TRPM1: variants seen among roughly 807,000 people sequenced by gnomAD.
The protein encoded by TRPM1 is transient receptor potential cation channel subfamily M member 1, also known as TRPM1-203 APA Isoform, Intron 10.
Under a neutral mutation model 149.4 loss-of-function variants are expected in TRPM1, and 113 were observed. The ratio of observed to expected loss-of-function variants is 0.76; its 90% confidence interval spans 0.65 to 0.88. The LOEUF is 0.88. TRPM1 is among the 40% of genes least tolerant of loss of function. The pLI is 0.00. For missense variants in TRPM1, 1,976 were observed against 2,038.7 expected (o/e 0.97, Z 0.59); for synonymous variants, 741 against 759.5 (o/e 0.98, Z 0.40).
Position 31,050,589 on chromosome 15 carries a change from T to G in TRPM1, c.1264-7A>C, listed in dbSNP as rs1417709776. 1 of 1,614,040 alleles carries G rather than the reference T, an allele frequency of 6.2e-7. No individual in the cohort carries two copies. Among genetic ancestry groups the G allele is most frequent in the East Asian group, 2.2e-5 (1 of 44,874 alleles). ...GTGCCAGGCTTCCCAGGGGCTGCAG[T>G]CCACAGCAATCAGAGTTGGGAAATG... On this transcript the variant is annotated splice_polypyrimidine_tract_variant and splice_region_variant and intron_variant, in intron 11 of 27. Coordinates refer to ENST00000256552, the MANE Select transcript of TRPM1 (RefSeq NM_001252024.2).
In TRPM1 at chr15:31,027,112, G is replaced by T; in HGVS notation, c.3299C>A (p.Thr1100Asn). Residue 1100 changes from threonine (T) to asparagine (N), a missense_variant, in exon 26 of 28, where the codon ACC becomes AAC. By Grantham distance (65) the Thr-to-Asn change is moderately conservative. This residue lies in a region of TRPM1 where 72 missense variants were observed against 112.7 expected (regional missense o/e 0.64). Coordinates refer to ENST00000256552, the MANE Select transcript of TRPM1 (RefSeq NM_001252024.2). ...GGATATTGATTTTACTTCAAAGAAGGTATTGCTTTAAAAAGAAGACATTTT... is the reference window on the plus strand; with the variant it reads ...GGATATTGATTTTACTTCAAAGAAGTTATTGCTTTAAAAAGAAGACATTTT... ...VNLLIAVFNN[T>N]FFEVKSISNQ... 2 of 1,613,808 alleles carry T rather than the reference G, an allele frequency of 1.2e-6. No individual in the cohort carries two copies. The highest frequency in any genetic ancestry group is 1.7e-6 in the Non-Finnish European group (2 of 1,179,898).
chr15:31,156,056 G>C (rs148274894), intron 1 of TRPM1, among the ~76,000 whole-genome samples: 1 of 151,944 alleles, frequency 6.6e-6, no homozygotes, highest in Non-Finnish European at 1.5e-5. Context: ...AATTAGCCAG[G>C]CATGGTGGTG....
At position 31,061,503 on chromosome 15, in the gene TRPM1, G is replaced by T. The variant is rs377055431; in HGVS notation, c.1101C>A (p.Phe367Leu). ...CMKKKELVTV[F>L]RMGSEGQQDI... ...CCTGCTGGCCCTCAGAACCCATTCT[G>T]AACACAGTGACCTGAAAATGTGAAA... The change falls in exon 10 of 28, where the codon TTC (phenylalanine) becomes TTA (leucine). Residue 367 changes from phenylalanine to leucine, a missense_variant. Phe to Leu is a conservative substitution (Grantham distance 22). This residue lies in a region of TRPM1 where 1,332 missense variants were observed against 1,347.1 expected (regional missense o/e 0.99). Coordinates refer to ENST00000256552, the MANE Select transcript of TRPM1 (RefSeq NM_001252024.2). The T allele has an allele frequency of 5.6e-6, 9 of 1,613,908 alleles. No individual in the cohort carries two copies. The highest frequency in any genetic ancestry group is 2.7e-5 in the African/African-American group (2 of 74,886).
chr15:31,062,509 G>C lies in TRPM1; in HGVS notation c.1089+70C>G, dbSNP rs112213992. 2.4e-3 allele frequency: 3,871 copies of C among 1,590,176 alleles called. 94 individuals are homozygous for C. In the African/African-American group the frequency reaches 0.047, roughly 19 times the overall value. ...ATGAATAACCCTGTCATGCACACAT[G>C]GGCGGAATTAGAAAAGGAAACATAA... On this transcript the variant is annotated intron_variant, in intron 9 of 27. Coordinates refer to ENST00000256552, the MANE Select transcript of TRPM1 (RefSeq NM_001252024.2).
At chr15:31,039,437 A>G (rs2033538472) in intron 18 of TRPM1, among the ~76,000 whole-genome samples, 1 of 152,164 alleles carries the variant, frequency 6.6e-6, no homozygotes, top group Non-Finnish European at 1.5e-5. Flanking sequence ...CCAGAACCAT[A>G]CTACACAGTG....
At chr15:31,035,327 A>C (rs1040322234) in intron 21 of TRPM1, among the ~76,000 whole-genome samples, 1 of 151,796 alleles carries the variant, frequency 6.6e-6, no homozygotes, top group Non-Finnish European at 1.5e-5. Flanking sequence ...TTTTTAGTAG[A>C]GGCAGTGTTT....
chr15:31,152,371 C>T (rs905241196), intron 1 of TRPM1, among the ~76,000 whole-genome samples: 1 of 152,218 alleles, frequency 6.6e-6, no homozygotes, highest in Non-Finnish European at 1.5e-5. Context: ...TTCAGCAGCC[C>T]TGGGCACTGC....
chr15:31,096,537 C>T (rs1194617578), intron 1 of TRPM1, among the ~76,000 whole-genome samples: 2 of 152,152 alleles, frequency 1.3e-5, no homozygotes, highest in African/African-American at 4.8e-5. Context: ...CATCACCTGG[C>T]CAGCTCACTC....
At chr15:31,149,612 C>T (rs1449652132) in intron 1 of TRPM1, among the ~76,000 whole-genome samples, 4 of 151,726 alleles carry the variant, frequency 2.6e-5, no homozygotes, top group South Asian at 2.1e-4. Context: ...CTCCGCCTCC[C>T]GGGTTCACGC....
At chr15:31,125,134 T>C (rs2035930641) in intron 1 of TRPM1, among the ~76,000 whole-genome samples, 1 of 151,918 alleles carries the variant, frequency 6.6e-6, no homozygotes, top group African/African-American at 2.4e-5. Flanking sequence ...ACCAAGAACG[T>C]GTCACTGTAC....
At chr15:31,129,838 G>A (rs1252373645) in intron 1 of TRPM1, among the ~76,000 whole-genome samples, 1 of 152,200 alleles carries the variant, frequency 6.6e-6, no homozygotes, top group Non-Finnish European at 1.5e-5. Flanking sequence ...CAATGGCCAT[G>A]GGTTCCGGTA....
chr15:31,044,074 A>G (rs1262404874), intron 16 of TRPM1, among the ~76,000 whole-genome samples: 1 of 152,234 alleles, frequency 6.6e-6, no homozygotes, highest in Non-Finnish European at 1.5e-5. Context: ...CAATAACAGT[A>G]GTATGACAAC....
At chr15:31,087,142 C>T (rs560295638) in intron 1 of TRPM1, among the ~76,000 whole-genome samples, 2 of 149,704 alleles carry the variant, frequency 1.3e-5, no homozygotes, top group African/African-American at 2.5e-5. Context: ...TAAAAGAGTA[C>T]AGCCACTGTG....
Position 31,067,062 on chromosome 15 carries a change from C to G in TRPM1, c.618+1G>C. 1 of 1,614,194 alleles carries G rather than the reference C, an allele frequency of 6.2e-7. No homozygotes were observed. The highest frequency in any genetic ancestry group is 1.7e-5 in the Admixed American group (1 of 60,032). ...CCAACATTTGCAGAGAAAACACTTA[C>G]ATCCTTTCCAACCAGGTCTTCCTTA... On this transcript the variant is annotated splice_donor_variant, in intron 6 of 27. Transcript: ENST00000256552. LOFTEE classifies it high-confidence loss of function.
At chr15:31,107,788 T>G (rs2035628236) in intron 1 of TRPM1, among the ~76,000 whole-genome samples, 1 of 152,114 alleles carries the variant, frequency 6.6e-6, no homozygotes, top group Non-Finnish European at 1.5e-5. Context: ...TTGTGACTTT[T>G]TTAGCCCACT....
chr15:31,111,651 C>A (rs1319736111), intron 1 of TRPM1, among the ~76,000 whole-genome samples: 1 of 152,162 alleles, frequency 6.6e-6, no homozygotes, highest in Admixed American at 6.5e-5. Flanking sequence ...TCCTCACAGT[C>A]CACACGGGAA....
chr15:31,113,415 A>G (rs1319367188), intron 1 of TRPM1, among the ~76,000 whole-genome samples: 2 of 140,232 alleles, frequency 1.4e-5, no homozygotes, highest in Admixed American at 7.3e-5. Flanking sequence ...TACAGAATTC[A>G]ATACCCAGCT....
At chr15:31,010,304 T>C (rs1022745310) in intron 27 of TRPM1, among the ~76,000 whole-genome samples, 1 of 152,228 alleles carries the variant, frequency 6.6e-6, no homozygotes, top group African/African-American at 2.4e-5. Context: ...ATCTGACCTA[T>C]GTGCGTGCAG....
intron 27 of TRPM1, among the ~76,000 whole-genome samples, chr15:31,017,974 T>G (rs891428572): frequency 6.6e-6 from 1 of 152,258 alleles, no homozygotes; most frequent in Non-Finnish European, 1.5e-5. Flanking sequence ...TAGGAAGGAC[T>G]GAAACATCTG....
Sources: allele counts gnomAD v4.1 joint callset (sites outside exome capture counted in the v4.1 genomes callset), GRCh38; gene constraint gnomAD v4.1.1; regional missense constraint gnomAD v4.1.1; transcripts MANE v1.5; gene names NCBI Gene and HGNC (gene_info 2026-07-23, HGNC 2026-07-21).